Variants in VARS1 observed in about 807,000 individuals in gnomAD.
The protein encoded by VARS1 is valine--tRNA ligase.
VARS1 carries 92 observed loss-of-function variants against 161.0 expected under a neutral mutation model. The observed-to-expected ratio is 0.57, with a 90% confidence interval of 0.48 to 0.68. The LOEUF is 0.68. VARS1 is among the 30% of genes least tolerant of loss of function. VARS1 has a pLI of 0.00. For synonymous variants in VARS1, 595 were observed against 682.5 expected (o/e 0.87, Z 2.00); for missense variants, 1,338 against 1,695.9 (o/e 0.79, Z 3.71).
Position 31,795,644 on chromosome 6 carries a change from G to T in VARS1, c.-132C>A, listed in dbSNP as rs937366494. 6.3e-6 allele frequency: 1 copy of T among 159,852 alleles called. No homozygotes were observed. Among genetic ancestry groups the T allele is most frequent in the African/African-American group, 2.4e-5 (1 of 41,794 alleles). 9.9% of individuals were successfully genotyped at this position (159,852 alleles called of 1,614,324 possible). A position where few individuals can be genotyped will look rare whatever the true frequency, so the allele number is the denominator to read the frequency against. ...CGGCCCGGGCGGAGGAGTCGAGCGG[G>T]CAGAGACGGTGGGCGGCTCTCCAGG... On this transcript the variant is annotated 5_prime_UTR_variant, in exon 1 of 30. Transcript: ENST00000375663. This position sits in a 1 kb window ranked among gnomAD's most constrained non-coding sequence, Gnocchi z 6.9.
At chr6:31,790,568 C>T (rs1813805868) in intron 8 of VARS1, among the ~76,000 whole-genome samples, 1 of 120,342 alleles carries the variant, frequency 8.3e-6, no homozygotes, top group Non-Finnish European at 1.6e-5. Flanking sequence ...TGCCACTGTA[C>T]TCCAGCCTGA....
chr6:31,787,893 C>A (rs925097443), intron 8 of VARS1, among the ~76,000 whole-genome samples: 1 of 151,984 alleles, frequency 6.6e-6, no homozygotes, highest in Middle Eastern at 3.4e-3. Context: ...CCGAGGTACG[C>A]GAATCACGAG....
chr6:31,779,562 G>C lies in VARS1; in HGVS notation c.3289-26C>G. 3 of 1,611,728 alleles carry C rather than the reference G, an allele frequency of 1.9e-6. No homozygotes were observed. The highest frequency in any genetic ancestry group is 2.5e-6 in the Non-Finnish European group (3 of 1,179,240). ...CTGTGGGGTGGAGGAGGGGGTGAGG[G>C]GGCCTGGAGGGCAGGTCAGACTCCC... On this transcript the variant is annotated intron_variant, in intron 27 of 29. Coordinates refer to ENST00000375663, the MANE Select transcript of VARS1 (RefSeq NM_006295.3). This position sits in a 1 kb window ranked among gnomAD's most constrained non-coding sequence, Gnocchi z 9.1.
At chr6:31,793,919 A>G (rs1302008542) in intron 2 of VARS1, among the ~76,000 whole-genome samples, 1 of 152,024 alleles carries the variant, frequency 6.6e-6, no homozygotes, top group African/African-American at 2.4e-5. Context: ...CCTGGTCAAC[A>G]TGACAAAACC....
At position 31,793,050 on chromosome 6, in the gene VARS1, G is replaced by A; in HGVS notation, c.458C>T (p.Ala153Val). 1 of 1,613,014 alleles carries A rather than the reference G, an allele frequency of 6.2e-7. No individual in the cohort carries two copies. ...EEWLRLHTYLAGEAPTLADLA... is the reference protein window; with the variant it reads ...EEWLRLHTYLVGEAPTLADLA... Reference sequence around the variant, plus strand: ...GTCAGCCAGAGTGGGGGCCTCCCCGGCCAAGTAGGTGTGCAGCCGAAGCCA... The same window carrying A: ...GTCAGCCAGAGTGGGGGCCTCCCCGACCAAGTAGGTGTGCAGCCGAAGCCA... Residue 153 changes from alanine (A) to valine (V), a missense_variant, in exon 3 of 30, where the codon GCC (alanine) becomes GTC (valine). By Grantham distance (64) the Ala-to-Val change is moderately conservative (BLOSUM62 0). Transcript: ENST00000375663.
chr6:31,777,552 A>T lies in VARS1; in HGVS notation c.*42T>A. ...AAAATATTTTATTGCTGCCATCCCC[A>T]TGGTGAGCCGCTGGGGGTGAGGGGT... On this transcript the variant is annotated 3_prime_UTR_variant, in exon 30 of 30. Transcript: ENST00000375663. This position sits in a 1 kb window ranked among gnomAD's most constrained non-coding sequence, Gnocchi z 5.8. 3 of 1,612,396 alleles carry T rather than the reference A, an allele frequency of 1.9e-6. No homozygotes were observed. The highest frequency in any genetic ancestry group is 2.5e-6 in the Non-Finnish European group (3 of 1,178,622).
Position 31,794,975 on chromosome 6 carries a change from TG to T in VARS1, c.242del (p.Pro81GlnfsTer27). 6.2e-7 allele frequency: 1 copy of T among 1,611,744 alleles called. No homozygotes were observed. The highest frequency in any genetic ancestry group is 8.5e-7 in the Non-Finnish European group (1 of 1,179,492). On this transcript the variant is annotated frameshift_variant, in exon 2 of 30. Coordinates refer to ENST00000375663, the MANE Select transcript of VARS1 (RefSeq NM_006295.3). LOFTEE classifies it high-confidence loss of function. ...TGCCCCCTGGGCCCCCCAGGCCTGC[TG>T]GCCACAGCAGCTGGGCCACAGCCGT... Reference protein sequence around the residue: ...GATAVAQLLWPAGLGGPGGSR... With the variant: ...GATAVAQLLWXAGLGGPGGSR...
rs1367760727 is a variant in VARS1, at chr6:31,792,781, C to T, written c.637G>A (p.Ala213Thr). Residue 213 changes from alanine to threonine, a missense_variant, in exon 4 of 30, where the codon GCC becomes ACC. Ala to Thr is a moderately conservative substitution (Grantham distance 58). Coordinates refer to ENST00000375663, the MANE Select transcript of VARS1 (RefSeq NM_006295.3). ...CCTGGCTGATGAGAGAGAGGCCTGG[C>T]TCCTGAGTATAGAACCACTTCTCCT... ...VLGEVVLYSG[A>T]RPLSHQPGPE... 1 of 1,614,208 alleles carries T rather than the reference C, an allele frequency of 6.2e-7. No individual in the cohort carries two copies. Among genetic ancestry groups the T allele is most frequent in the Non-Finnish European group, 8.5e-7 (1 of 1,180,044 alleles).
chr6:31,785,078 A>T lies in VARS1; in HGVS notation c.1347+168T>A, dbSNP rs1813410745. Among the ~76,000 whole-genome samples, 1 of 152,126 alleles carries T rather than the reference A, an allele frequency of 6.6e-6. No homozygotes were observed. Among genetic ancestry groups the T allele is most frequent in the African/African-American group, 2.4e-5 (1 of 41,420 alleles). On this transcript the variant is annotated intron_variant, in intron 10 of 29. Coordinates refer to ENST00000375663, the MANE Select transcript of VARS1 (RefSeq NM_006295.3). The surrounding 1 kb of genome is among the most constrained non-coding windows in gnomAD (Gnocchi z 6.1). ...GAACATGAAGGGCCATGATATGGAA[A>T]GGGCCATGGCGAGGGGTGGGAAGTG...
chr6:31,794,052 C>T (rs1464432122), intron 2 of VARS1, among the ~76,000 whole-genome samples: 1 of 147,700 alleles, frequency 6.8e-6, no homozygotes, highest in Non-Finnish European at 1.5e-5. Context: ...CACCATCGCA[C>T]CGTGGCACTC....
chr6:31,792,575 A>C, intron 4 of VARS1, 59 bp from the exon 5 acceptor site: 1 of 1,611,094 alleles, frequency 6.2e-7, no homozygotes, highest in Non-Finnish European at 8.5e-7. Context: ...GGACGGCCAT[A>C]CTAGGTTTCA....
At position 31,781,803 on chromosome 6, in the gene VARS1, C is replaced by T. The variant is rs1813166453; in HGVS notation, c.2348-42G>A. 6.2e-7 allele frequency: 1 copy of T among 1,612,856 alleles called. No homozygotes were observed. The highest frequency in any genetic ancestry group is 1.3e-5 in the African/African-American group (1 of 74,936). On this transcript the variant is annotated intron_variant, in intron 19 of 29. Transcript: ENST00000375663. This position sits in a 1 kb window ranked among gnomAD's most constrained non-coding sequence, Gnocchi z 6.8. ...GTCAGAGGTCAGAGGGAGTGGAGCT[C>T]TGCCCCCCACAACTCCCTCCAGACC...
chr6:31,788,161 G>T (rs768339426), intron 8 of VARS1, among the ~76,000 whole-genome samples: 1 of 151,502 alleles, frequency 6.6e-6, no homozygotes, highest in East Asian at 1.9e-4. Context: ...AAACAAAAAC[G>T]CAAACACAAA....
chr6:31,782,021 C>T lies in VARS1; in HGVS notation c.2241+66G>A. The T allele has an allele frequency of 6.2e-7, 1 of 1,612,464 alleles. No homozygotes were observed. Among genetic ancestry groups the T allele is most frequent in the South Asian group, 1.1e-5 (1 of 91,046 alleles). On this transcript the variant is annotated intron_variant, in intron 18 of 29. Transcript: ENST00000375663. This position sits in a 1 kb window ranked among gnomAD's most constrained non-coding sequence, Gnocchi z 8.3. ...TGGCTCACCCTGCCCCTCCCCCCAC[C>T]AAGGACCCAGTAAACCCACCACTCC...
intron 8 of VARS1, among the ~76,000 whole-genome samples, chr6:31,787,062 C>CA (rs70990276): frequency 0.31 from 22,081 of 70,516 alleles, 2,449 homozygotes; most frequent in East Asian, 0.41. Context: ...CTAGTCTCTG[C>CA]AAAAAAAAAA....
At position 31,778,109 on chromosome 6, in the gene VARS1, CT is replaced by C. The variant is rs1332026036; in HGVS notation, c.3727-448del. 1 of 176,660 alleles carries C rather than the reference CT, an allele frequency of 5.7e-6. No homozygotes were observed. Among genetic ancestry groups the C allele is most frequent in the East Asian group, 1.6e-4 (1 of 6,406 alleles). The allele number at this position is 176,660 out of a possible 1,614,324, so 10.9% of individuals were successfully genotyped here. A position where few individuals can be genotyped will look rare whatever the true frequency, so the allele number is the denominator to read the frequency against. ...GTTTTCTCTGTGTCTGTGCAGTTTA[CT>C]CCACTGCTTCTCTCTGGCGGAACCC... is the stretch of plus-strand genomic sequence containing the variant. On this transcript the variant is annotated intron_variant, in intron 29 of 29. Transcript: ENST00000375663. This position sits in a 1 kb window ranked among gnomAD's most constrained non-coding sequence, Gnocchi z 5.1.
At chr6:31,792,110 G>A in intron 6 of VARS1, 107 bp downstream of exon 6, 1 of 1,480,906 alleles carries the variant, frequency 6.8e-7, no homozygotes, top group East Asian at 2.3e-5. Flanking sequence ...AGGGCAGGGG[G>A]TCTGCAATTC....
Position 31,782,041 on chromosome 6 carries a change from C to T in VARS1, c.2241+46G>A. ...CCCACCAAGGACCCAGTAAACCCAC[C>T]ACTCCAGCAGGGTGTCCCAGCAGCT... is the stretch of plus-strand genomic sequence containing the variant. On this transcript the variant is annotated intron_variant, in intron 18 of 29. Transcript: ENST00000375663. This position sits in a 1 kb window ranked among gnomAD's most constrained non-coding sequence, Gnocchi z 8.3. 1 of 1,612,530 alleles carries T rather than the reference C, an allele frequency of 6.2e-7. No homozygotes were observed. Among genetic ancestry groups the T allele is most frequent in the Non-Finnish European group, 8.5e-7 (1 of 1,179,182 alleles).
At position 31,779,277 on chromosome 6, in the gene VARS1, G is replaced by A. The variant is rs1410037703; in HGVS notation, c.3416C>T (p.Ala1139Val). The A allele has an allele frequency of 4.4e-6, 7 of 1,602,964 alleles. No homozygotes were observed. The highest frequency in any genetic ancestry group is 4.5e-5 in the East Asian group (2 of 44,852). The change falls in exon 29 of 30, where the codon GCG becomes GTG. Residue 1139 changes from alanine (A) to valine (V), a missense_variant. Transcript: ENST00000375663. The surrounding 1 kb of genome is among the most constrained non-coding windows in gnomAD (Gnocchi z 9.1). ...TGCCAGGGCGCCCGTGGCCTCATCC[G>A]CCACTTCCAGGAAACCTGCCAGGGA... is the stretch of plus-strand genomic sequence containing the variant. ...RIRPDCFLEV[A>V]DEATGALASA... is the part of the protein sequence containing the mutation.
Sources: gnomAD v4.1 joint callset for allele counts (sites outside exome capture counted in the v4.1 genomes callset) on GRCh38, gnomAD v4.1.1 for gene constraint, Gnocchi (gnomAD v3.1) non-coding constraint, MANE v1.5 for transcripts, NCBI Gene and HGNC (gene_info 2026-07-23, HGNC 2026-07-21) for gene names.